KIF5B: variants seen among roughly 807,000 people sequenced by gnomAD.
The protein encoded by KIF5B is kinesin-1 heavy chain.
Under a neutral mutation model 132.8 loss-of-function variants are expected in KIF5B, and 49 were observed. The ratio of observed to expected loss-of-function variants is 0.37; its 90% CI spans 0.29 to 0.47. The LOEUF (loss-of-function observed/expected upper bound fraction) is 0.47. Among genes scored for constraint, KIF5B ranks in the 20% least tolerant of loss-of-function variants. The probability of loss-of-function intolerance (pLI) is 1.00; values close to 1 mark genes in which losing one functional copy is unlikely to be tolerated. For missense variants in KIF5B, 780 were observed against 1,144.0 expected, an observed-to-expected ratio of 0.68 and a Z score of 4.59; for synonymous variants, 355 against 369.4, an observed-to-expected ratio of 0.96 and a Z score of 0.45.
intron 15 of KIF5B, among the ~76,000 whole-genome samples, chr10:32,023,605 G>T (rs2132588533): frequency 6.6e-6 from 1 of 152,318 alleles, no homozygotes; most frequent in South Asian, 2.1e-4. Context: ...AAAGTCACAG[G>T]ACTTGACACT....
Position 32,033,841 on chromosome 10 carries a change from C to G in KIF5B, c.1305+4G>C, listed in dbSNP as rs768847718. The G allele has an allele frequency of 1.9e-6, 3 of 1,602,928 alleles. No homozygotes were observed. Among genetic ancestry groups the G allele is most frequent in the Non-Finnish European group, 8.5e-7 (1 of 1,171,246 alleles). On this transcript the variant is annotated splice_donor_region_variant and intron_variant, in intron 12 of 25. Coordinates refer to ENST00000302418, the MANE Select transcript of KIF5B (RefSeq NM_004521.3). ...AAAGCAGACCTAAATCAAGCAATAC[C>G]TACCTTGTCATCAAGCTGTTTGTAT...
chr10:32,020,337 A>G (rs868368710), intron 19 of KIF5B, among the ~76,000 whole-genome samples: 16 of 152,198 alleles, frequency 1.1e-4, no homozygotes, highest in African/African-American at 3.4e-4. Flanking sequence ...GCACATGGTT[A>G]TGGAGGCAGG....
chr10:32,036,420 T>G (rs140699674), intron 8 of KIF5B, among the ~76,000 whole-genome samples: 1 of 152,124 alleles, frequency 6.6e-6, no homozygotes, highest in African/African-American at 2.4e-5. Flanking sequence ...ATATCTATGT[T>G]GTGGTGTTTT....
chr10:32,021,789 G>A (rs761303441), intron 17 of KIF5B, among the ~76,000 whole-genome samples: 4 of 152,022 alleles, frequency 2.6e-5, no homozygotes, highest in Non-Finnish European at 4.4e-5. Context: ...TGCGTAACAC[G>A]GTGAAGCCCT....
intron 2 of KIF5B, among the ~76,000 whole-genome samples, chr10:32,042,665 C>G (rs1437501156): frequency 6.6e-6 from 1 of 152,180 alleles, no homozygotes; most frequent in Non-Finnish European, 1.5e-5. Context: ...TAAAGCCTCC[C>G]TCACCCTTTT....
chr10:32,042,565 T>G (rs1037536986), intron 2 of KIF5B, among the ~76,000 whole-genome samples: 2 of 152,192 alleles, frequency 1.3e-5, no homozygotes, highest in Non-Finnish European at 2.9e-5. Context: ...GTCAGGACCG[T>G]GTTTAACTCC....
At position 32,055,929 on chromosome 10, in the gene KIF5B, G is replaced by GC; in HGVS notation, c.44_45insG (p.Phe15LeufsTer8). ...TCACTTCAGACTCGTTGAGAGGTCTGAAGCGACACATCACTTTGATGTTGC... is the reference window on the plus strand; with the variant it reads ...TCACTTCAGACTCGTTGAGAGGTCTGCAAGCGACACATCACTTTGATGTTGC... On this transcript the variant is annotated frameshift_variant, in exon 1 of 26. Transcript: ENST00000302418. LOFTEE classifies it high-confidence loss of function. 1 of 1,611,740 alleles carries GC rather than the reference G, an allele frequency of 6.2e-7. No homozygotes were observed. Among genetic ancestry groups the GC allele is most frequent in the Non-Finnish European group, 8.5e-7 (1 of 1,179,914 alleles).
At chr10:32,055,091 A>T (rs1841735997) in intron 1 of KIF5B, among the ~76,000 whole-genome samples, 1 of 152,212 alleles carries the variant, frequency 6.6e-6, no homozygotes, top group African/African-American at 2.4e-5. Flanking sequence ...CATAAAACCT[A>T]GCAAGAATGC....
chr10:32,056,022 G>T lies in KIF5B; in HGVS notation c.-49C>A. The T allele has an allele frequency of 6.3e-7, 1 of 1,596,018 alleles. No homozygotes were observed. On this transcript the variant is annotated 5_prime_UTR_variant, in exon 1 of 26. It adds an upstream start codon to the 5' untranslated region. Transcript: ENST00000302418. ...GCCGGGAGCCACTCCCCGCCGCTCA[G>T]TCTTGCAGGGAACGCGCCGGACCTG...
intron 14 of KIF5B, among the ~76,000 whole-genome samples, chr10:32,030,111 C>G (rs574300336): frequency 2.9e-4 from 44 of 152,334 alleles, no homozygotes; most frequent in Admixed American, 5.9e-4. Context: ...AACAAAACCA[C>G]AAAATAGCTC....
In KIF5B at chr10:32,036,002, T is replaced by C. The variant is rs370912912; in HGVS notation, c.712-8A>G. ...AGCTCCAGTTTTACTAACCTATACA[T>C]AAGATTTCAAAAGAATGAAACAAAA... is the stretch of plus-strand genomic sequence containing the variant. On this transcript the variant is annotated splice_polypyrimidine_tract_variant and splice_region_variant and intron_variant, in intron 8 of 25. Transcript: ENST00000302418. 18 of 1,527,584 alleles carry C rather than the reference T, an allele frequency of 1.2e-5. No individual in the cohort carries two copies. Among genetic ancestry groups the C allele is most frequent in the East Asian group, 2.3e-5 (1 of 43,572 alleles). The allele number at this position is 1,527,584 out of a possible 1,614,324, so 94.6% of individuals were successfully genotyped here. A position where few individuals can be genotyped will look rare whatever the true frequency, so the allele number is the denominator to read the frequency against.
At chr10:32,020,271 T>C (rs981649566) in intron 19 of KIF5B, among the ~76,000 whole-genome samples, 10 of 152,280 alleles carry the variant, frequency 6.6e-5, no homozygotes, top group African/African-American at 2.4e-4. Flanking sequence ...GTTATTCTCT[T>C]CTTGGTTCCT....
intron 2 of KIF5B, among the ~76,000 whole-genome samples, chr10:32,043,148 C>T (rs188115455): frequency 6.6e-6 from 1 of 152,114 alleles, no homozygotes; most frequent in African/African-American, 2.4e-5. Context: ...GGATTACAGG[C>T]ATGTGCTACC....
chr10:32,013,660 T>TCTTA (rs143485596), intron 25 of KIF5B, among the ~76,000 whole-genome samples: 15,097 of 152,214 alleles, frequency 0.099, 831 homozygotes, highest in Middle Eastern at 0.14. Context: ...AAAAATATAA[T>TCTTA]CTTACTGGGT....
chr10:32,021,681 A>G (rs1337190098), intron 17 of KIF5B, among the ~76,000 whole-genome samples: 2 of 152,062 alleles, frequency 1.3e-5, no homozygotes, highest in Non-Finnish European at 2.9e-5. Flanking sequence ...AAATATATAT[A>G]TATATGTTTT....
intron 16 of KIF5B, 66 bp downstream of exon 16, chr10:32,022,782 G>C (rs147940501): frequency 8.3e-7 from 1 of 1,199,896 alleles, no homozygotes; most frequent in South Asian, 1.7e-5. Context: ...CTGAAAACTT[G>C]TATAATAAAT....
intron 15 of KIF5B, among the ~76,000 whole-genome samples, chr10:32,026,850 A>G (rs1157148345): frequency 6.6e-6 from 1 of 152,210 alleles, no homozygotes; most frequent in Non-Finnish European, 1.5e-5. Context: ...TTACTTCACC[A>G]TAAACAGAAT....
chr10:32,053,387 G>A (rs958159204), intron 1 of KIF5B, among the ~76,000 whole-genome samples: 1 of 147,240 alleles, frequency 6.8e-6, no homozygotes, highest in African/African-American at 2.5e-5. Flanking sequence ...TTAAGGCTAT[G>A]TTATTCAGTT....
chr10:32,023,999 T>G (rs1287962557), intron 15 of KIF5B, among the ~76,000 whole-genome samples: 1 of 149,246 alleles, frequency 6.7e-6, no homozygotes, highest in Admixed American at 6.7e-5. Flanking sequence ...ACTTGGTAAG[T>G]TGGACCTCAT....
Sources: allele counts gnomAD v4.1 joint callset (sites outside exome capture counted in the v4.1 genomes callset), GRCh38; gene constraint gnomAD v4.1.1; transcripts MANE v1.5; gene names NCBI Gene and HGNC (gene_info 2026-07-23, HGNC 2026-07-21).